The following SPEG variants were observed in gnomAD, a reference collection of about 807,000 sequenced individuals.
SPEG encodes the protein striated muscle enriched protein kinase.
A neutral mutation model predicts 300.4 loss-of-function variants in SPEG; 114 were observed. That is an observed-to-expected ratio of 0.38 (90% CI 0.33 to 0.44). SPEG has a LOEUF of 0.44. Among genes scored for constraint, SPEG ranks in the 20% least tolerant of loss-of-function variants. SPEG has a pLI of 1.00. For missense variants in SPEG, 4,201 were observed against 4,586.2 expected (o/e 0.92, Z 2.43); for synonymous variants, 1,964 against 2,018.9 (o/e 0.97, Z 0.73).
In SPEG at chr2:219,479,278, T is replaced by C. The variant is rs1692617954; in HGVS notation, c.5085+77T>C. 7.7e-7 allele frequency: 1 copy of C among 1,290,932 alleles called. No individual in the cohort carries two copies. The highest frequency in any genetic ancestry group is 2.4e-5 in the East Asian group (1 of 42,410). The allele number at this position is 1,290,932 out of a possible 1,614,324, so 80.0% of individuals were successfully genotyped here. Reference sequence around the variant, plus strand: ...TGAGCTTTGAGAACCAACAAATGGGTCCTGAGTGTGCCATCTGTGCCCACA... The same window carrying C: ...TGAGCTTTGAGAACCAACAAATGGGCCCTGAGTGTGCCATCTGTGCCCACA... On this transcript the variant is annotated intron_variant, in intron 23 of 40. Coordinates refer to ENST00000312358, the MANE Select transcript of SPEG (RefSeq NM_005876.5). This position sits in a 1 kb window ranked among gnomAD's most constrained non-coding sequence, Gnocchi z 5.5.
chr2:219,448,629 G>C lies in SPEG; in HGVS notation c.1471G>C (p.Glu491Gln), dbSNP rs1055152374. 1.3e-6 allele frequency: 2 copies of C among 1,482,668 alleles called. No homozygotes were observed. The highest frequency in any genetic ancestry group is 2.9e-5 in the African/African-American group (2 of 68,204). The allele number at this position is 1,482,668 out of a possible 1,614,324, so 91.8% of individuals were successfully genotyped here. ...TRQRSPASDLELRFAQELGRI... is the reference protein window; with the variant it reads ...TRQRSPASDLQLRFAQELGRI... ...TCAGCGCAGCCCGGCCTCAGACCTC[G>C]AGCTGCGCTTCGCCCAGGAGCTGGG... The change falls in exon 4 of 41, where the codon GAG (glutamate) becomes CAG (glutamine). Residue 491 changes from glutamate (E) to glutamine (Q), a missense_variant. By Grantham distance (29) the Glu-to-Gln change is conservative. Around this residue, in one of 4 missense-constraint regions of SPEG, gnomAD observed 1,258 missense variants for 1,293.9 expected, o/e 0.97. Coordinates refer to ENST00000312358, the MANE Select transcript of SPEG (RefSeq NM_005876.5).
intron 30 of SPEG, 100 bp downstream of exon 30, chr2:219,485,172 G>T: frequency 6.7e-7 from 1 of 1,485,348 alleles, no homozygotes. Context: ...CCCACCAGGG[G>T]CAGGCTGAGG....
rs1338650438 is a variant in SPEG at position 219,451,505 on chromosome 2, G to C, written c.2258-120G>C. 1 of 1,199,330 alleles carries C rather than the reference G, an allele frequency of 8.3e-7. No homozygotes were observed. The highest frequency in any genetic ancestry group is 1.1e-6 in the Non-Finnish European group (1 of 892,198). The allele number at this position is 1,199,330 out of a possible 1,614,324, so 74.3% of individuals were successfully genotyped here. On this transcript the variant is annotated intron_variant, in intron 5 of 40. Transcript: ENST00000312358. The surrounding 1 kb of genome is among the most constrained non-coding windows in gnomAD (Gnocchi z 6.4). ...CCCAAAATGAGGGCGGACTCTTCCA[G>C]ATTCCCTGGGGTGCTGAGAGGAGAG...
In SPEG at chr2:219,483,254, G is replaced by T; in HGVS notation, c.5791G>T (p.Glu1931Ter). ...SSDSEEEELE[E>*]LPSVPRPLQP... is the part of the protein sequence containing the mutation. ...GGATTCTGAAGAGGAAGAGCTGGAA[G>T]AGCTGCCCTCAGTGCCCCGCCCACT... The change falls in exon 30 of 41, where the codon GAG becomes TAG. Residue 1931 changes from glutamate (E) to a stop codon, truncating the protein, a stop_gained. Transcript: ENST00000312358. LOFTEE classifies it high-confidence loss of function. The T allele has an allele frequency of 6.2e-7, 1 of 1,610,692 alleles. No individual in the cohort carries two copies. The highest frequency in any genetic ancestry group is 8.5e-7 in the Non-Finnish European group (1 of 1,179,068).
rs1488659595 is a variant in SPEG at position 219,472,210 on chromosome 2, C to A, written c.3836-17C>A. 2 of 1,611,346 alleles carry A rather than the reference C, an allele frequency of 1.2e-6. No individual in the cohort carries two copies. Among genetic ancestry groups the A allele is most frequent in the Non-Finnish European group, 1.7e-6 (2 of 1,178,440 alleles). ...TGGGCCCTTGGACCCAGCAGACATT[C>A]GAACTGCGGCTTTCAGATGTGGTCC... On this transcript the variant is annotated splice_polypyrimidine_tract_variant and intron_variant, in intron 14 of 40. Coordinates refer to ENST00000312358, the MANE Select transcript of SPEG (RefSeq NM_005876.5).
chr2:219,445,068 C>T lies in SPEG; in HGVS notation c.722C>T (p.Ala241Val). The change falls in exon 3 of 41, where the codon GCA (alanine) becomes GTA (valine). Residue 241 changes from alanine (A) to valine (V), a missense_variant. Ala to Val is a moderately conservative substitution (Grantham distance 64). Around this residue, in one of 4 missense-constraint regions of SPEG, gnomAD observed 1,258 missense variants for 1,293.9 expected, o/e 0.97. Transcript: ENST00000312358. The surrounding 1 kb of genome is among the most constrained non-coding windows in gnomAD (Gnocchi z 6.1). ...VRASRANLVG[A>V]SWGSEDSLSV... The stretch of plus-strand genomic sequence containing the variant: ...GCATCTCGAGCTAATCTGGTGGGCG[C>T]AAGCTGGGGGTCAGAGGATAGCCTT... 1.2e-6 allele frequency: 2 copies of T among 1,606,174 alleles called. No individual in the cohort carries two copies. The highest frequency in any genetic ancestry group is 1.7e-6 in the Non-Finnish European group (2 of 1,176,414).
intron 18 of SPEG, among the ~76,000 whole-genome samples, chr2:219,474,694 G>A (rs1342686776): frequency 6.6e-6 from 1 of 152,118 alleles, no homozygotes; most frequent in Non-Finnish European, 1.5e-5. Context: ...AGAAACCCAT[G>A]GGCACATCTT....
At chr2:219,466,876 G>GTT (rs35105001) in intron 9 of SPEG, 24,976 of 916,772 alleles carry the variant, frequency 0.027, no homozygotes, top group East Asian at 0.032. Context: ...GGTGTGTTGT[G>GTT]TTTTTTTTTC....
In SPEG at chr2:219,473,681, T is replaced by C. The variant is rs200971715; in HGVS notation, c.4272-47T>C. ...CAGGTCTGGCCCAGCCTGGCCGGAA[T>C]GCCCTGGGGCAAGATCTGGGTGACC... On this transcript the variant is annotated intron_variant, in intron 17 of 40. Transcript: ENST00000312358. This position sits in a 1 kb window ranked among gnomAD's most constrained non-coding sequence, Gnocchi z 4.6. 1.2e-4 allele frequency: 195 copies of C among 1,613,470 alleles called. No homozygotes were observed. Among genetic ancestry groups the C allele is most frequent in the Non-Finnish European group, 4.7e-5 (55 of 1,179,548 alleles).
At position 219,484,541 on chromosome 2, in the gene SPEG, C is replaced by T; in HGVS notation, c.7078C>T (p.Arg2360Cys). ...RLLSRSRSEE[R>C]GPFRGAEEED... ...GCTGAGCCGTTCGCGCTCGGAGGAG[C>T]GCGGCCCCTTCCGTGGGGCCGAGGA... Residue 2360 changes from arginine (R) to cysteine (C), a missense_variant, in exon 30 of 41, where the codon CGC becomes TGC. This residue lies in a region of SPEG where 1,578 missense variants were observed against 1,506.0 expected (regional missense o/e 1.05). Transcript: ENST00000312358. 6 of 1,594,702 alleles carry T rather than the reference C, an allele frequency of 3.8e-6. No homozygotes were observed. Among genetic ancestry groups the T allele is most frequent in the Non-Finnish European group, 5.1e-6 (6 of 1,174,002 alleles).
At chr2:219,487,466 G>T (rs1180681071) in intron 31 of SPEG, among the ~76,000 whole-genome samples, 1 of 152,230 alleles carries the variant, frequency 6.6e-6, no homozygotes, top group East Asian at 1.9e-4. Context: ...TCCTGTGGGC[G>T]TGGGATTATT....
At position 219,467,159 on chromosome 2, in the gene SPEG, C is replaced by T. The variant is rs1178492243; in HGVS notation, c.2882-15C>T. 1 of 1,560,198 alleles carries T rather than the reference C, an allele frequency of 6.4e-7. No homozygotes were observed. The highest frequency in any genetic ancestry group is 8.7e-7 in the Non-Finnish European group (1 of 1,154,398). On this transcript the variant is annotated splice_polypyrimidine_tract_variant and intron_variant, in intron 9 of 40. Transcript: ENST00000312358. ...TCTGCTCTGTGCGTGGCCCCCGTGG[C>T]TGCTTTCCCCTCAGCACACCCTGAA...
At chr2:219,452,753 A>G (rs1689864013) in intron 6 of SPEG, among the ~76,000 whole-genome samples, 2 of 152,108 alleles carry the variant, frequency 1.3e-5, no homozygotes, top group Non-Finnish European at 1.5e-5. Context: ...GGAAGGCGGG[A>G]CATGCCAAGA....
rs973908268 is a variant in SPEG, at chr2:219,477,507, A to G, written c.4729+62A>G. 6.0e-6 allele frequency: 9 copies of G among 1,494,710 alleles called. No homozygotes were observed. The East Asian group carries it at 1.5e-4, about 25-fold the overall frequency. 92.6% of individuals were successfully genotyped at this position (1,494,710 alleles called of 1,614,324 possible). A position where few individuals can be genotyped will look rare whatever the true frequency, so the allele number is the denominator to read the frequency against. Reference sequence around the variant, plus strand: ...CCCCTGGAATCTGATGTGACCCTCCATGCTCTGCCCAGGAAGCAGCCAGCC... The same window carrying G: ...CCCCTGGAATCTGATGTGACCCTCCGTGCTCTGCCCAGGAAGCAGCCAGCC... On this transcript the variant is annotated intron_variant, in intron 20 of 40. Transcript: ENST00000312358. This position sits in a 1 kb window ranked among gnomAD's most constrained non-coding sequence, Gnocchi z 6.4.
Position 219,489,891 on chromosome 2 carries a change from G to C in SPEG, c.8873G>C (p.Arg2958Pro). The change falls in exon 36 of 41, where the codon CGA (arginine) becomes CCA (proline). Residue 2958 changes from arginine (R) to proline (P), a missense_variant. Physicochemically the swap from Arg to Pro is moderately radical, Grantham distance 103. Transcript: ENST00000312358. ...SSPRPEGTTL[R>P]QGPPQKPYTF... ...CCCAGGCCTGAGGGTACCACTCTTC[G>C]ACAGGGTCCCCCTCAGAAACCCTAC... 6.3e-7 allele frequency: 1 copy of C among 1,598,642 alleles called. No individual in the cohort carries two copies.
chr2:219,478,646 C>T (rs1692554923), intron 22 of SPEG, among the ~76,000 whole-genome samples: 1 of 152,204 alleles, frequency 6.6e-6, no homozygotes. Flanking sequence ...GTGATTGGCT[C>T]ATCACCCCAG....
rs1467387311 is a variant in SPEG at position 219,483,585 on chromosome 2, C to G, written c.6122C>G (p.Pro2041Arg). The change falls in exon 30 of 41, where the codon CCG (proline) becomes CGG (arginine). Residue 2041 changes from proline to arginine, a missense_variant. Pro to Arg is a moderately radical substitution (Grantham distance 103). Transcript: ENST00000312358. ...CACAAGGCGGCGTCTGTGGAGCTGC[C>G]GCAGCGCCGGAGCCCCAGCCCGGGA... ...GLHKAASVEL[P>R]QRRSPSPGAT... 6.8e-7 allele frequency: 1 copy of G among 1,470,090 alleles called. No homozygotes were observed. Among genetic ancestry groups the G allele is most frequent in the Non-Finnish European group, 8.9e-7 (1 of 1,121,960 alleles). The allele number at this position is 1,470,090 out of a possible 1,614,324, so 91.1% of individuals were successfully genotyped here.
At position 219,445,456 on chromosome 2, in the gene SPEG, TC is replaced by T. The variant is rs1689209986; in HGVS notation, c.815+296del. ...AAGATCTCCAGTTTCTCAGGGGCCC[TC>T]TTTTGCCTCACCCATTTGGGCTCCA... On this transcript the variant is annotated intron_variant, in intron 3 of 40. Transcript: ENST00000312358. This position sits in a 1 kb window ranked among gnomAD's most constrained non-coding sequence, Gnocchi z 6.1. 2.1e-6 allele frequency: 1 copy of T among 475,046 alleles called. No individual in the cohort carries two copies. The highest frequency in any genetic ancestry group is 3.9e-5 in the East Asian group (1 of 25,930). 29.4% of individuals were successfully genotyped at this position (475,046 alleles called of 1,614,324 possible).
intron 18 of SPEG, 102 bp downstream of exon 18, chr2:219,474,005 A>AC: frequency 8.0e-7 from 1 of 1,254,450 alleles, no homozygotes. Flanking sequence ...GCAGATCCAA[A>AC]CCCATGTCCT....
Sources: allele counts gnomAD v4.1 joint callset (sites outside exome capture counted in the v4.1 genomes callset), GRCh38; gene constraint gnomAD v4.1.1; regional missense constraint gnomAD v4.1.1; non-coding constraint Gnocchi (gnomAD v3.1); transcripts MANE v1.5; gene names NCBI Gene and HGNC (gene_info 2026-07-23, HGNC 2026-07-21).